PLCG2: variants seen among roughly 807,000 people sequenced by gnomAD.
The protein encoded by PLCG2 is phospholipase C gamma 2.
Under a neutral mutation model 175.6 loss-of-function variants are expected in PLCG2, and 69 were observed. The observed-to-expected ratio is 0.39, with a 90% CI of 0.32 to 0.48. The LOEUF (loss-of-function observed/expected upper bound fraction) is 0.48. Among genes scored for constraint, PLCG2 ranks in the 20% least tolerant of loss-of-function variants. The probability of loss-of-function intolerance (pLI) is 0.91; values close to 1 mark genes in which losing one functional copy is unlikely to be tolerated. For missense variants in PLCG2, 1,798 were observed against 1,650.9 expected (o/e 1.09, Z -1.54); for synonymous variants, 827 against 624.0 (o/e 1.33, Z -4.85).
intron 13 of PLCG2, among the ~76,000 whole-genome samples, chr16:81,897,410 G>C (rs28452625): frequency 6.6e-6 from 1 of 152,110 alleles, no homozygotes; most frequent in African/African-American, 2.4e-5. Flanking sequence ...GGTGATAACT[G>C]TGTGCACCTC....
chr16:81,769,610 C>A (rs12443516), intron 2 of PLCG2, among the ~76,000 whole-genome samples: 12,096 of 151,708 alleles, frequency 0.08, 614 homozygotes, highest in East Asian at 0.22. Context: ...GTCAGGAGAT[C>A]GAGACCATCC....
At chr16:81,786,233 C>G (rs757096580) in intron 2 of PLCG2, 51 bp downstream of exon 2, 34 of 1,441,508 alleles carry the variant, frequency 2.4e-5, no homozygotes, top group Non-Finnish European at 3.1e-5. Flanking sequence ...GGGCCCTGGC[C>G]TGAGCACCTG....
chr16:81,761,569 C>T (rs1172001281), intron 2 of PLCG2, among the ~76,000 whole-genome samples: 5 of 152,118 alleles, frequency 3.3e-5, no homozygotes, highest in Non-Finnish European at 5.9e-5. Context: ...GACCATGGCT[C>T]GAACTTCATT....
At chr16:81,915,339 C>T (rs1031707923) in intron 19 of PLCG2, among the ~76,000 whole-genome samples, 4 of 152,170 alleles carry the variant, frequency 2.6e-5, no homozygotes, top group African/African-American at 9.7e-5. Flanking sequence ...GGATAGATTT[C>T]CCCAGTAGAG....
At chr16:81,805,500 GAAAA>G (rs1316978784) in intron 2 of PLCG2, among the ~76,000 whole-genome samples, 2 of 54,250 alleles carry the variant, frequency 3.7e-5, no homozygotes, top group Non-Finnish European at 4.2e-5. Context: ...CTCCATCTCA[GAAAA>G]AAAAAAAAAA....
rs1359515926 is a variant in PLCG2, at chr16:81,910,583, C to T, written c.1797C>T (p.Tyr599=). Residue 599 remains tyrosine (Y), a synonymous_variant, in exon 18 of 33, where the codon TAC becomes TAT. Coordinates refer to ENST00000564138, the MANE Select transcript of PLCG2 (RefSeq NM_002661.5). The stretch of plus-strand genomic sequence containing the variant: ...CCATGGAGGGCGGGACCCTGAAATA[C>T]TACTTGACTGACAACCTCACCTTCA... ...RSTMEGGTLK[Y]YLTDNLTFSS... 1 of 1,614,162 alleles carries T rather than the reference C, an allele frequency of 6.2e-7. No individual in the cohort carries two copies. The highest frequency in any genetic ancestry group is 8.5e-7 in the Non-Finnish European group (1 of 1,179,998).
chr16:81,883,939 G>C lies in PLCG2; in HGVS notation c.765+598G>C, dbSNP rs1008934839. Among the ~76,000 whole-genome samples the C allele has an allele frequency of 5.3e-5, 8 of 152,342 alleles. 1 individual carries two copies. The East Asian group carries it at 1.4e-3, about 26-fold the overall frequency. On this transcript the variant is annotated intron_variant, in intron 9 of 32. Coordinates refer to ENST00000564138, the MANE Select transcript of PLCG2 (RefSeq NM_002661.5). ...CCCAGAGGACACTGGGCAGTGTCCAGAGACGACATGGGTGCGTGTCACAGC... is the reference window on the plus strand; with the variant it reads ...CCCAGAGGACACTGGGCAGTGTCCACAGACGACATGGGTGCGTGTCACAGC...
intron 9 of PLCG2, among the ~76,000 whole-genome samples, chr16:81,884,327 G>A (rs1257525687): frequency 2.6e-5 from 4 of 151,888 alleles, no homozygotes; most frequent in Non-Finnish European, 5.9e-5. Context: ...CTGCAGCCTG[G>A]GCAACAGAGC....
intron 2 of PLCG2, among the ~76,000 whole-genome samples, chr16:81,804,995 C>T (rs190642017): frequency 2.8e-4 from 43 of 152,256 alleles, no homozygotes; most frequent in African/African-American, 9.4e-4. Context: ...TGAGTTTTGC[C>T]TGGTTTACTC....
chr16:81,950,942 A>G (rs887200272), intron 31 of PLCG2, among the ~76,000 whole-genome samples: 2 of 152,212 alleles, frequency 1.3e-5, no homozygotes, highest in African/African-American at 4.8e-5. Flanking sequence ...TAAAACACAA[A>G]TAAAAATAAA....
chr16:81,948,351 T>TAGTC (rs1015384598), intron 31 of PLCG2, among the ~76,000 whole-genome samples: 2 of 152,156 alleles, frequency 1.3e-5, no homozygotes, highest in African/African-American at 4.8e-5. Flanking sequence ...AAAGCTTAAA[T>TAGTC]AGTCATCATC....
chr16:81,889,352 T>C, intron 10 of PLCG2, 79 bp downstream of exon 10: 1 of 782,258 alleles, frequency 1.3e-6, no homozygotes, highest in Admixed American at 2.1e-5. Flanking sequence ...ATTTTCTGTT[T>C]GTCTTTCCTT....
At chr16:81,888,388 A>C (rs7206834) in intron 9 of PLCG2, among the ~76,000 whole-genome samples, 5,859 of 114,358 alleles carry the variant, frequency 0.051, 355 homozygotes, top group African/African-American at 0.15. Context: ...TTTAAAGAAA[A>C]AAAAAATGTT....
intron 6 of PLCG2, among the ~76,000 whole-genome samples, 174 bp downstream of exon 6, chr16:81,869,472 C>T (rs1022079896): frequency 6.6e-6 from 1 of 152,194 alleles, no homozygotes; most frequent in Non-Finnish European, 1.5e-5. Flanking sequence ...GGACCATCGT[C>T]TCAATCCTAG....
At chr16:81,763,597 A>C (rs1412730707) in intron 2 of PLCG2, among the ~76,000 whole-genome samples, 1 of 152,164 alleles carries the variant, frequency 6.6e-6, no homozygotes, top group African/African-American at 2.4e-5. Context: ...GGGGCTCCTA[A>C]GTTGTGTGCC....
At chr16:81,755,132 C>T (rs75406856) in intron 1 of PLCG2, among the ~76,000 whole-genome samples, 1 of 152,160 alleles carries the variant, frequency 6.6e-6, no homozygotes, top group African/African-American at 2.4e-5. Context: ...AGAAGCCCAG[C>T]TGAGCTGAGA....
chr16:81,957,884 A>C (rs758246756), intron 32 of PLCG2, 72 bp from the exon 33 acceptor site: 3 of 1,313,232 alleles, frequency 2.3e-6, no homozygotes, highest in Non-Finnish European at 3.3e-6. Flanking sequence ...CAGAAAGAGA[A>C]ATGTTACAGA....
intron 1 of PLCG2, among the ~76,000 whole-genome samples, chr16:81,782,127 C>T (rs1338453460): frequency 3.9e-5 from 6 of 152,076 alleles, no homozygotes; most frequent in Admixed American, 2.0e-4. Context: ...CCGCCCACCT[C>T]GGCCTCCCAA....
In PLCG2 at chr16:81,919,640, C is replaced by T. The variant is rs368933697; in HGVS notation, c.2211C>T (p.Pro737=). Residue 737 remains proline (P), a synonymous_variant, in exon 20 of 33, where the codon CCC becomes CCT. Transcript: ENST00000564138. ...RKMRLRYPVT[P]ELLERYNMER... ...TGAGACTGCGCTACCCCGTGACCCC[C>T]GAGCTCCTGGAGCGCTACAATATGG... 8.3e-5 allele frequency: 134 copies of T among 1,613,998 alleles called. No individual in the cohort carries two copies. Among genetic ancestry groups the T allele is most frequent in the African/African-American group, 2.8e-4 (21 of 75,040 alleles).
Sources: allele counts gnomAD v4.1 joint callset (sites outside exome capture counted in the v4.1 genomes callset), GRCh38; gene constraint gnomAD v4.1.1; transcripts MANE v1.5; gene names NCBI Gene and HGNC (gene_info 2026-07-23, HGNC 2026-07-21).